CAMSAP1: variants seen among roughly 807,000 people sequenced by gnomAD.
CAMSAP1 encodes calmodulin regulated spectrin associated protein 1.
CAMSAP1 carries 58 observed loss-of-function variants against 143.5 expected under a neutral mutation model. The ratio of observed to expected loss-of-function variants is 0.40; its 90% CI spans 0.33 to 0.50. The LOEUF is 0.50. Among genes scored for constraint, CAMSAP1 ranks in the 20% least tolerant of loss-of-function variants. The pLI, the probability that CAMSAP1 is intolerant of heterozygous loss-of-function variation, is 0.45. For missense variants in CAMSAP1, 1,969 were observed against 2,115.7 expected, an observed-to-expected ratio of 0.93 and a Z score of 1.36; for synonymous variants, 945 against 859.3, an observed-to-expected ratio of 1.10 and a Z score of -1.74.
In CAMSAP1 at chr9:135,907,002, C is replaced by T. The variant is rs1016209038; in HGVS notation, c.158G>A (p.Arg53Gln). The change falls in exon 1 of 17, where the codon CGA becomes CAA. Residue 53 changes from arginine (R) to glutamine (Q), a missense_variant and splice_region_variant. Around this residue, in one of 4 missense-constraint regions of CAMSAP1, gnomAD observed 215 missense variants for 196.2 expected, o/e 1.10. Coordinates refer to ENST00000389532, the MANE Select transcript of CAMSAP1 (RefSeq NM_015447.4). ...LQWICAKAYG[R>Q]DNIPEDLRDP... Reference sequence around the variant, plus strand: ...CCCGCGCCCCTCACCCGGCCCACCTCGGCCGTAGGCCTTGGCGCAGATCCA... The same window carrying T: ...CCCGCGCCCCTCACCCGGCCCACCTTGGCCGTAGGCCTTGGCGCAGATCCA... 61 of 1,108,158 alleles carry T rather than the reference C, an allele frequency of 5.5e-5. No individual in the cohort carries two copies. The African/African-American group carries it at 9.5e-4, about 17-fold the overall frequency. 68.6% of individuals were successfully genotyped at this position (1,108,158 alleles called of 1,614,324 possible). A position where few individuals can be genotyped will look rare whatever the true frequency, so the allele number is the denominator to read the frequency against.
At chr9:135,838,064 C>G (rs571508539) in intron 7 of CAMSAP1, among the ~76,000 whole-genome samples, 1 of 151,008 alleles carries the variant, frequency 6.6e-6, no homozygotes, top group Non-Finnish European at 1.5e-5. Context: ...CACGCACTTT[C>G]CACCCATTCT....
At chr9:135,893,509 T>C (rs903928934) in intron 1 of CAMSAP1, among the ~76,000 whole-genome samples, 2 of 152,032 alleles carry the variant, frequency 1.3e-5, no homozygotes, top group East Asian at 1.9e-4. Flanking sequence ...GGCTGATGAA[T>C]AGATTAGATA....
chr9:135,901,631 G>C (rs1457769343), intron 1 of CAMSAP1, among the ~76,000 whole-genome samples: 1 of 151,890 alleles, frequency 6.6e-6, no homozygotes, highest in African/African-American at 2.4e-5. Flanking sequence ...ATAAAAACAA[G>C]AACAGGCAAG....
At position 135,818,368 on chromosome 9, in the gene CAMSAP1, G is replaced by C; in HGVS notation, c.4168+40C>G. ...TGAAGAACGTGAGGCCGCCGCCCGC[G>C]GAAGGAAGCGCTGCCCGCGTGAGGG... On this transcript the variant is annotated intron_variant, in intron 13 of 16. Coordinates refer to ENST00000389532, the MANE Select transcript of CAMSAP1 (RefSeq NM_015447.4). The surrounding 1 kb of genome is among the most constrained non-coding windows in gnomAD (Gnocchi z 7.7). 1 of 1,520,124 alleles carries C rather than the reference G, an allele frequency of 6.6e-7. No homozygotes were observed. The allele number at this position is 1,520,124 out of a possible 1,614,324, so 94.2% of individuals were successfully genotyped here.
At chr9:135,879,273 G>A (rs986881165) in intron 3 of CAMSAP1, among the ~76,000 whole-genome samples, 5 of 152,144 alleles carry the variant, frequency 3.3e-5, no homozygotes, top group Admixed American at 3.3e-4. Flanking sequence ...CTGGTTACAA[G>A]GAGACCACCT....
At chr9:135,900,832 G>A (rs113736032) in intron 1 of CAMSAP1, among the ~76,000 whole-genome samples, 2,761 of 152,166 alleles carry the variant, frequency 0.018, 92 homozygotes, top group African/African-American at 0.064. Flanking sequence ...TCGGCTCACC[G>A]CAGCCTCCGC....
At chr9:135,846,092 A>AAAAAC in intron 7 of CAMSAP1, among the ~76,000 whole-genome samples, 1 of 131,720 alleles carries the variant, frequency 7.6e-6, no homozygotes, top group Non-Finnish European at 1.6e-5. Context: ...AAAAAAAAAA[A>AAAAAC]ACGAAGCTGG....
chr9:135,815,854 C>T, intron 15 of CAMSAP1, 36 bp downstream of exon 15: 1 of 1,551,898 alleles, frequency 6.4e-7, no homozygotes, highest in Non-Finnish European at 8.9e-7. Flanking sequence ...TATGGCCATG[C>T]CCACGATGAC....
intron 5 of CAMSAP1, among the ~76,000 whole-genome samples, chr9:135,854,761 C>T (rs1836895351): frequency 6.6e-6 from 1 of 152,110 alleles, no homozygotes; most frequent in African/African-American, 2.4e-5. Context: ...GCAAATTTGC[C>T]AATTTTTGTT....
chr9:135,860,736 T>C (rs1490250751), intron 5 of CAMSAP1, among the ~76,000 whole-genome samples: 1 of 151,598 alleles, frequency 6.6e-6, no homozygotes, highest in East Asian at 1.9e-4. Context: ...TCATTTTAAA[T>C]ATCCTGTTAT....
rs1835337462 is a variant in CAMSAP1 at position 135,818,863 on chromosome 9, G to A, written c.3959+147C>T. 1 of 1,334,988 alleles carries A rather than the reference G, an allele frequency of 7.5e-7. No homozygotes were observed. Among genetic ancestry groups the A allele is most frequent in the Admixed American group, 2.3e-5 (1 of 43,740 alleles). 82.7% of individuals were successfully genotyped at this position (1,334,988 alleles called of 1,614,324 possible). A position where few individuals can be genotyped will look rare whatever the true frequency, so the allele number is the denominator to read the frequency against. ...CTGAAGATCAGCAGGGGCCGTGAAA[G>A]TTCGGGGAGGTGGTCCATGGGAGGA... On this transcript the variant is annotated intron_variant, in intron 12 of 16. Transcript: ENST00000389532. The surrounding 1 kb of genome is among the most constrained non-coding windows in gnomAD (Gnocchi z 7.7).
rs766781805 is a variant in CAMSAP1, at chr9:135,850,414, T to C, written c.856A>G (p.Ile286Val). 1.9e-5 allele frequency: 30 copies of C among 1,610,176 alleles called. No homozygotes were observed. The highest frequency in any genetic ancestry group is 2.5e-5 in the Non-Finnish European group (29 of 1,178,826). The change falls in exon 6 of 17, where the codon ATT becomes GTT. Residue 286 changes from isoleucine to valine, a missense_variant. Ile to Val is a conservative substitution (Grantham distance 29, BLOSUM62 3). Around this residue, in one of 4 missense-constraint regions of CAMSAP1, gnomAD observed 221 missense variants for 298.2 expected, o/e 0.74. Coordinates refer to ENST00000389532, the MANE Select transcript of CAMSAP1 (RefSeq NM_015447.4). ...TTGGAGAATTCTCTCAGAAGCCGAA[T>C]ATTATACAGACTGTCGGCCATCGAC... ...VTSMADSLYN[I>V]RLLREFSNEY...
In CAMSAP1 at chr9:135,811,162, T is replaced by G; in HGVS notation, c.*147A>C. The G allele has an allele frequency of 1.1e-6, 1 of 918,314 alleles. No individual in the cohort carries two copies. 56.9% of individuals were successfully genotyped at this position (918,314 alleles called of 1,614,324 possible). ...GGTTTTCTTCTGCTGTCTAGAAACCTCTTTGCAAAAGGTCTGTGACTTTGC... is the reference window on the plus strand; with the variant it reads ...GGTTTTCTTCTGCTGTCTAGAAACCGCTTTGCAAAAGGTCTGTGACTTTGC... On this transcript the variant is annotated 3_prime_UTR_variant, in exon 17 of 17. Coordinates refer to ENST00000389532, the MANE Select transcript of CAMSAP1 (RefSeq NM_015447.4). This position sits in a 1 kb window ranked among gnomAD's most constrained non-coding sequence, Gnocchi z 4.9.
At chr9:135,851,617 G>A (rs1312876860) in intron 5 of CAMSAP1, among the ~76,000 whole-genome samples, 2 of 152,124 alleles carry the variant, frequency 1.3e-5, no homozygotes, top group Non-Finnish European at 2.9e-5. Context: ...CACACTGTCT[G>A]CATCCACAAG....
Position 135,824,131 on chromosome 9 carries a change from G to C in CAMSAP1, c.1316-97C>G. 9.5e-7 allele frequency: 1 copy of C among 1,050,970 alleles called. No homozygotes were observed. 65.1% of individuals were successfully genotyped at this position (1,050,970 alleles called of 1,614,324 possible). A position where few individuals can be genotyped will look rare whatever the true frequency, so the allele number is the denominator to read the frequency against. On this transcript the variant is annotated intron_variant, in intron 9 of 16. Coordinates refer to ENST00000389532, the MANE Select transcript of CAMSAP1 (RefSeq NM_015447.4). The surrounding 1 kb of genome is among the most constrained non-coding windows in gnomAD (Gnocchi z 4.1). ...ATTTGTCCAGAAAAATGCCTCTCAA[G>C]TCAGTACACCAGAAGGGCCGCATGG...
chr9:135,900,709 G>A lies in CAMSAP1; in HGVS notation c.160+6291C>T, dbSNP rs192563508. ...GATTCCGTCTCAAAAAAAAGAAAGA[G>A]AGGACTAGGTGGGAGCTCAGGAAAG... On this transcript the variant is annotated intron_variant, in intron 1 of 16. Transcript: ENST00000389532. 3.4e-3 allele frequency among the ~76,000 whole-genome samples: 515 copies of A among 152,012 alleles called. 3 individuals carry two copies. Among genetic ancestry groups the A allele is most frequent in the Middle Eastern group, 0.014 (4 of 292 alleles).
intron 16 of CAMSAP1, among the ~76,000 whole-genome samples, chr9:135,813,976 G>A (rs1835141715): frequency 6.6e-6 from 1 of 152,216 alleles, no homozygotes; most frequent in African/African-American, 2.4e-5. Context: ...TTCACCCAGT[G>A]GCTGTGGCTC....
Position 135,818,180 on chromosome 9 carries a change from C to A in CAMSAP1, c.4169-101G>T. 1 of 1,305,330 alleles carries A rather than the reference C, an allele frequency of 7.7e-7. No individual in the cohort carries two copies. Among genetic ancestry groups the A allele is most frequent in the Non-Finnish European group, 1.1e-6 (1 of 937,124 alleles). 80.9% of individuals were successfully genotyped at this position (1,305,330 alleles called of 1,614,324 possible). On this transcript the variant is annotated intron_variant, in intron 13 of 16. Transcript: ENST00000389532. The surrounding 1 kb of genome is among the most constrained non-coding windows in gnomAD (Gnocchi z 7.7). Reference sequence around the variant, plus strand: ...CCTCACCTCGCCCTGCAGAGCTCGGCCACACAGGCCGCGTCCCCACCCCAT... The same window carrying A: ...CCTCACCTCGCCCTGCAGAGCTCGGACACACAGGCCGCGTCCCCACCCCAT...
Position 135,821,505 on chromosome 9 carries a change from G to C in CAMSAP1, c.3156C>G (p.Ser1052=). 1.2e-6 allele frequency: 2 copies of C among 1,614,038 alleles called. No individual in the cohort carries two copies. Among genetic ancestry groups the C allele is most frequent in the Non-Finnish European group, 1.7e-6 (2 of 1,179,884 alleles). ...SQQQEQLLMK[S]PTVPVPGSKN... is the part of the protein sequence containing the mutation. Reference sequence around the variant, plus strand: ...TAGAGCCTGGCACTGGGACTGTGGGGGACTTCATCAGAAGCTGCTCTTGCT... The same window carrying C: ...TAGAGCCTGGCACTGGGACTGTGGGCGACTTCATCAGAAGCTGCTCTTGCT... Residue 1052 remains serine, a synonymous_variant, in exon 11 of 17, where the codon TCC becomes TCG. Transcript: ENST00000389532. This position sits in a 1 kb window ranked among gnomAD's most constrained non-coding sequence, Gnocchi z 4.6.
Sources: gnomAD v4.1 joint callset for allele counts (sites outside exome capture counted in the v4.1 genomes callset) on GRCh38, gnomAD v4.1.1 for gene constraint, gnomAD v4.1.1 regional missense constraint, Gnocchi (gnomAD v3.1) non-coding constraint, MANE v1.5 for transcripts, NCBI Gene and HGNC (gene_info 2026-07-23, HGNC 2026-07-21) for gene names.